The following COQ8A variants were observed in gnomAD, a reference collection of about 807,000 sequenced individuals.
The protein encoded by COQ8A is atypical kinase COQ8A, mitochondrial.
A neutral mutation model predicts 65.0 loss-of-function variants in COQ8A; 51 were observed. The ratio of observed to expected loss-of-function variants is 0.78; its 90% CI spans 0.63 to 0.99. COQ8A has a LOEUF of 0.99. Ranked by LOEUF, COQ8A falls within the 50% of genes least tolerant of loss-of-function variation. The probability of loss-of-function intolerance (pLI) is 0.00; values close to 1 mark genes in which losing one functional copy is unlikely to be tolerated. For missense variants in COQ8A, 940 were observed against 875.0 expected (o/e 1.07, Z -0.94); for synonymous variants, 371 against 353.2 (o/e 1.05, Z -0.57).
intron 1 of COQ8A, among the ~76,000 whole-genome samples, chr1:226,959,933 C>T (rs910802785): frequency 1.2e-4 from 18 of 152,228 alleles, no homozygotes; most frequent in Admixed American, 9.8e-4. Flanking sequence ...GAAAGCTACC[C>T]ACAGTGCTCC....
chr1:226,948,559 CTGAAAGAAACGT>C (rs1657185941), intron 1 of COQ8A, among the ~76,000 whole-genome samples: 1 of 152,206 alleles, frequency 6.6e-6, no homozygotes, highest in Non-Finnish European at 1.5e-5. Context: ...CTGTAAGCGT[CTGAAAGAAACGT>C]TGAAAGAAAC....
chr1:226,961,615 G>A lies in COQ8A; in HGVS notation c.177+53G>A, dbSNP rs1198675478. ...GCTGGCAGGAAGAGGGTGGGACCTG[G>A]AGCTCTGGGGGAGACCAAGGGCTGT... On this transcript the variant is annotated intron_variant, in intron 2 of 14. Transcript: ENST00000366777. 8 of 1,561,248 alleles carry A rather than the reference G, an allele frequency of 5.1e-6. No individual in the cohort carries two copies. The East Asian group carries it at 1.8e-4, about 35-fold the overall frequency.
chr1:226,985,443 C>T, intron 14 of COQ8A, 103 bp downstream of exon 14: 2 of 1,375,658 alleles, frequency 1.5e-6, no homozygotes, highest in Non-Finnish European at 2.1e-6. Context: ...TCAAGGGGCC[C>T]CCAGAGCCCG....
At chr1:226,984,521 GAC>G (rs1373084569) in intron 11 of COQ8A, 25 bp from the exon 12 acceptor site, 1 of 1,586,998 alleles carries the variant, frequency 6.3e-7, no homozygotes, top group East Asian at 2.2e-5. Context: ...GGTGCTGCCT[GAC>G]ACAGACCCTT....
Position 226,986,888 on chromosome 1 carries a change from G to C in COQ8A, c.*151G>C. 3.3e-6 allele frequency: 3 copies of C among 922,130 alleles called. No homozygotes were observed. Among genetic ancestry groups the C allele is most frequent in the Non-Finnish European group, 4.9e-6 (3 of 611,962 alleles). The allele number at this position is 922,130 out of a possible 1,614,324, so 57.1% of individuals were successfully genotyped here. A position where few individuals can be genotyped will look rare whatever the true frequency, so the allele number is the denominator to read the frequency against. ...GAGCCCCGTAGCCAGCGCTTTCCACGGTTTCTGTTGCTAAATGGTTGTAGG... is the reference window on the plus strand; with the variant it reads ...GAGCCCCGTAGCCAGCGCTTTCCACCGTTTCTGTTGCTAAATGGTTGTAGG... On this transcript the variant is annotated 3_prime_UTR_variant, in exon 15 of 15. Transcript: ENST00000366777.
chr1:226,945,063 C>T lies in COQ8A; in HGVS notation c.-10+4664C>T, dbSNP rs575309649. Among the ~76,000 whole-genome samples the T allele has an allele frequency of 3.3e-4, 50 of 152,284 alleles. 1 individual carries two copies. Among genetic ancestry groups the T allele is most frequent in the African/African-American group, 1.0e-3 (43 of 41,550 alleles). On this transcript the variant is annotated intron_variant, in intron 1 of 14. Transcript: ENST00000366777. ...TTTGAGCATTACTCTTTCTAGACCC[C>T]GTTACATCCCAGCTTTCAGAACAGC...
intron 4 of COQ8A, among the ~76,000 whole-genome samples, chr1:226,971,093 A>G (rs1033659701): frequency 2.0e-5 from 3 of 151,866 alleles, no homozygotes; most frequent in African/African-American, 7.3e-5. Flanking sequence ...GGTGCATGCC[A>G]CCACACCCAG....
intron 1 of COQ8A, among the ~76,000 whole-genome samples, chr1:226,947,673 G>A (rs1657124505): frequency 6.6e-6 from 1 of 152,120 alleles, no homozygotes; most frequent in Non-Finnish European, 1.5e-5. Flanking sequence ...GCCAGGTGTG[G>A]TGGTACCCAC....
chr1:226,978,453 C>T (rs1659426668), intron 5 of COQ8A, among the ~76,000 whole-genome samples: 1 of 148,392 alleles, frequency 6.7e-6, no homozygotes, highest in South Asian at 2.2e-4. Flanking sequence ...CACCTCCTTA[C>T]ACACCCTCCA....
At position 226,949,919 on chromosome 1, in the gene COQ8A, A is replaced by G. The variant is rs1044109162; in HGVS notation, c.-10+9520A>G. On this transcript the variant is annotated intron_variant, in intron 1 of 14. Transcript: ENST00000366777. This position sits in a 1 kb window ranked among gnomAD's most constrained non-coding sequence, Gnocchi z 4.0. ...TAGGTCACACTAGCAAGTCAGTGGC[A>G]GAGTCATGATGTGAACCCAGATCAC... Among the ~76,000 whole-genome samples the G allele has an allele frequency of 1.3e-5, 2 of 152,222 alleles. No individual in the cohort carries two copies. Among genetic ancestry groups the G allele is most frequent in the African/African-American group, 2.4e-5 (1 of 41,468 alleles).
chr1:226,973,304 G>T (rs539426252), intron 4 of COQ8A, among the ~76,000 whole-genome samples: 2 of 152,228 alleles, frequency 1.3e-5, no homozygotes, highest in African/African-American at 4.8e-5. Flanking sequence ...TCCTTGGAAA[G>T]GGGCTTTTCT....
At chr1:226,967,067 CT>C (rs1002831536) in intron 4 of COQ8A, among the ~76,000 whole-genome samples, 2 of 152,150 alleles carry the variant, frequency 1.3e-5, no homozygotes, top group African/African-American at 4.8e-5. Flanking sequence ...TGCTTATTTC[CT>C]TTTCCTGGGG....
At chr1:226,985,922 G>A (rs1027903605) in intron 14 of COQ8A, among the ~76,000 whole-genome samples, 2 of 151,990 alleles carry the variant, frequency 1.3e-5, no homozygotes, top group South Asian at 2.1e-4. Context: ...GCTCTCTCCC[G>A]CCTCTTCCTT....
chr1:226,984,033 G>GT (rs1269763964), intron 10 of COQ8A, 61 bp from the exon 11 acceptor site: 12 of 1,473,754 alleles, frequency 8.1e-6, no homozygotes, highest in African/African-American at 7.4e-5. Context: ...GGGGGTGTGT[G>GT]TGGGGGGGGG....
At chr1:226,973,710 T>A (rs1553278152) in intron 4 of COQ8A, among the ~76,000 whole-genome samples, 1 of 152,206 alleles carries the variant, frequency 6.6e-6, no homozygotes, top group Non-Finnish European at 1.5e-5. Context: ...CAGGTGGTGA[T>A]AGAGAAAGAC....
Position 226,986,743 on chromosome 1 carries a change from C to T in COQ8A, c.*6C>T, listed in dbSNP as rs755112064. The T allele has an allele frequency of 4.3e-6, 7 of 1,611,426 alleles. No individual in the cohort carries two copies. The highest frequency in any genetic ancestry group is 1.7e-5 in the Admixed American group (1 of 59,920). On this transcript the variant is annotated 3_prime_UTR_variant, in exon 15 of 15. Coordinates refer to ENST00000366777, the MANE Select transcript of COQ8A (RefSeq NM_020247.5). Reference sequence around the variant, plus strand: ...AGAGGCAGGCCCAGCAGTAGGGCTGCGGGCCACGCCCAGGCCGGCTCCGCG... The same window carrying T: ...AGAGGCAGGCCCAGCAGTAGGGCTGTGGGCCACGCCCAGGCCGGCTCCGCG...
chr1:226,972,761 G>A lies in COQ8A; in HGVS notation c.656-4688G>A, dbSNP rs1288180189. ...CAAACATTGGGTGAATGGGCTTGGG[G>A]TGGTTATTTTTAAAATTTTGCATGT... On this transcript the variant is annotated intron_variant, in intron 4 of 14. Transcript: ENST00000366777. The surrounding 1 kb of genome is among the most constrained non-coding windows in gnomAD (Gnocchi z 4.3). 6.6e-6 allele frequency among the ~76,000 whole-genome samples: 1 copy of A among 151,562 alleles called. No homozygotes were observed. The highest frequency in any genetic ancestry group is 1.9e-4 in the East Asian group (1 of 5,142).
chr1:226,941,790 A>C (rs989116226), intron 1 of COQ8A, among the ~76,000 whole-genome samples: 1 of 150,470 alleles, frequency 6.6e-6, no homozygotes, highest in Non-Finnish European at 1.5e-5. Context: ...AAAAAAAAAA[A>C]GGCTCAGGCA....
chr1:226,982,135 T>C lies in COQ8A; in HGVS notation c.839T>C (p.Met280Thr). 1 of 1,598,350 alleles carries C rather than the reference T, an allele frequency of 6.3e-7. No homozygotes were observed. The highest frequency in any genetic ancestry group is 8.5e-7 in the Non-Finnish European group (1 of 1,173,048). ...VRGAALKLGQ[M>T]LSIQDDAFIN... ...GGTGCGGCACTCAAGCTGGGCCAGA[T>C]GCTGAGCATCCAGGGTGAGTGGGCG... Residue 280 changes from methionine (M) to threonine (T), a missense_variant, in exon 6 of 15, where the codon ATG (methionine) becomes ACG (threonine). Coordinates refer to ENST00000366777, the MANE Select transcript of COQ8A (RefSeq NM_020247.5).
Sources: allele counts gnomAD v4.1 joint callset (sites outside exome capture counted in the v4.1 genomes callset), GRCh38; gene constraint gnomAD v4.1.1; non-coding constraint Gnocchi (gnomAD v3.1); transcripts MANE v1.5; gene names NCBI Gene and HGNC (gene_info 2026-07-23, HGNC 2026-07-21).